The following PRKDC variants were observed in gnomAD, a reference collection of about 807,000 sequenced individuals.
PRKDC encodes DNA-dependent protein kinase catalytic subunit.
PRKDC carries 82 observed loss-of-function variants against 486.9 expected under a neutral mutation model. That is an observed-to-expected ratio of 0.17 (90% CI 0.14 to 0.20). The LOEUF is 0.20. PRKDC is among the 10% of genes least tolerant of loss of function. PRKDC has a pLI of 1.00. For missense variants in PRKDC, 4,504 were observed against 5,038.2 expected (o/e 0.89, Z 3.21); for synonymous variants, 1,895 against 1,837.0 (o/e 1.03, Z -0.81).
chr8:47,900,300 C>T, intron 28 of PRKDC, 73 bp downstream of exon 28: 3 of 1,064,938 alleles, frequency 2.8e-6, no homozygotes, highest in Non-Finnish European at 3.8e-6. Flanking sequence ...AAGAGAATCA[C>T]ACGAGCCTTA....
chr8:47,773,254 C>CGG lies in PRKDC; in HGVS notation c.*917_*918dup. ...AAACAGTTTGGGTGTGGAGGACTGGCGGGGGGGGACAGGGACTGCACATGG... is the reference window on the plus strand; with the variant it reads ...AAACAGTTTGGGTGTGGAGGACTGGCGGGGGGGGGGACAGGGACTGCACATGG... On this transcript the variant is annotated 3_prime_UTR_variant, in exon 86 of 86. Coordinates refer to ENST00000314191, the MANE Select transcript of PRKDC (RefSeq NM_006904.7). The CGG allele has an allele frequency of 9.0e-6, 2 of 223,402 alleles. No individual in the cohort carries two copies. Among genetic ancestry groups the CGG allele is most frequent in the Non-Finnish European group, 1.8e-5 (2 of 111,506 alleles). The allele number at this position is 223,402 out of a possible 1,614,324, so 13.8% of individuals were successfully genotyped here. A position where few individuals can be genotyped will look rare whatever the true frequency, so the allele number is the denominator to read the frequency against.
intron 7 of PRKDC, among the ~76,000 whole-genome samples, chr8:47,947,283 C>T (rs1204626097): frequency 6.6e-6 from 1 of 152,190 alleles, no homozygotes; most frequent in Non-Finnish European, 1.5e-5. Context: ...ACCCGTGGGT[C>T]GTGTGCTCCA....
intron 10 of PRKDC, among the ~76,000 whole-genome samples, chr8:47,941,475 G>GT (rs1397869040): frequency 6.6e-6 from 1 of 152,170 alleles, no homozygotes; most frequent in African/African-American, 2.4e-5. Context: ...TGCCTACAGG[G>GT]TGGGGCCCCA....
At position 47,941,852 on chromosome 8, in the gene PRKDC, A is replaced by G. The variant is rs563168431; in HGVS notation, c.966+1357T>C. Among the ~76,000 whole-genome samples, 10 of 152,378 alleles carry G rather than the reference A, an allele frequency of 6.6e-5. No homozygotes were observed. The South Asian group carries it at 1.9e-3, about 28-fold the overall frequency. ...AGGTAGAATATATTTCCTCAATGAA[A>G]CTCTAAAATCTATTCAATGTAGTTT... On this transcript the variant is annotated intron_variant, in intron 10 of 85. Transcript: ENST00000314191.
In PRKDC at chr8:47,858,862, G is replaced by A. The variant is rs755702932; in HGVS notation, c.6332C>T (p.Pro2111Leu). The change falls in exon 47 of 86, where the codon CCT (proline) becomes CTT (leucine). Residue 2111 changes from proline (P) to leucine (L), a missense_variant. Pro to Leu is a moderately conservative substitution (Grantham distance 98). Transcript: ENST00000314191. Reference sequence around the variant, plus strand: ...TGGGAAAAGCACCTCTTCTCCTTGAGGCGGGCCCAGGCTTCTGTGCATGTG... The same window carrying A: ...TGGGAAAAGCACCTCTTCTCCTTGAAGCGGGCCCAGGCTTCTGTGCATGTG... ...VKHMHRSLGPPQGEEDSVPRD... is the reference protein window; with the variant it reads ...VKHMHRSLGPLQGEEDSVPRD... 1.2e-6 allele frequency: 2 copies of A among 1,613,386 alleles called. No homozygotes were observed. Among genetic ancestry groups the A allele is most frequent in the Non-Finnish European group, 1.7e-6 (2 of 1,179,528 alleles).
Position 47,957,276 on chromosome 8 carries a change from A to G in PRKDC, c.232-13T>C. The stretch of plus-strand genomic sequence containing the variant: ...TACATTCACGAAACTGTAATGAAAG[A>G]GATACATATTGTAAATATGGGTAAG... On this transcript the variant is annotated splice_polypyrimidine_tract_variant and intron_variant, in intron 2 of 85. Transcript: ENST00000314191. 1 of 1,585,004 alleles carries G rather than the reference A, an allele frequency of 6.3e-7. No individual in the cohort carries two copies. Among genetic ancestry groups the G allele is most frequent in the Non-Finnish European group, 8.6e-7 (1 of 1,156,706 alleles).
chr8:47,845,606 C>CAAAA (rs1320255717), intron 54 of PRKDC, among the ~76,000 whole-genome samples: 4 of 149,496 alleles, frequency 2.7e-5, no homozygotes, highest in African/African-American at 4.9e-5. Context: ...TAAAAACAAA[C>CAAAA]AAACAAACAA....
At chr8:47,889,331 G>A in intron 32 of PRKDC, 109 bp from the exon 33 acceptor site, 2 of 910,700 alleles carry the variant, frequency 2.2e-6, no homozygotes, top group South Asian at 3.7e-5. Context: ...GGAGAGGTGG[G>A]CAGAGTTTCT....
At position 47,782,048 on chromosome 8, in the gene PRKDC, G is replaced by A. The variant is rs919110783; in HGVS notation, c.11489+114C>T. ...ATTTGGTTTATTGACCCAGCCAGCA[G>A]ACTGCGGGGCAGGCAGTGTGGGCTC... is the stretch of plus-strand genomic sequence containing the variant. On this transcript the variant is annotated intron_variant, in intron 80 of 85. Transcript: ENST00000314191. This position sits in a 1 kb window ranked among gnomAD's most constrained non-coding sequence, Gnocchi z 4.9. 5 of 842,136 alleles carry A rather than the reference G, an allele frequency of 5.9e-6. No individual in the cohort carries two copies. Among genetic ancestry groups the A allele is most frequent in the Non-Finnish European group, 9.5e-6 (5 of 525,188 alleles). The allele number at this position is 842,136 out of a possible 1,614,324, so 52.2% of individuals were successfully genotyped here.
In PRKDC at chr8:47,871,403, A is replaced by C. The variant is rs547053337; in HGVS notation, c.5363+6321T>G. Among the ~76,000 whole-genome samples the C allele has an allele frequency of 4.6e-5, 7 of 151,926 alleles. No individual in the cohort carries two copies. In the South Asian group the frequency reaches 1.5e-3, roughly 32 times the overall value. ...CATTTGGTAGCAGACTTATGGGTGG[A>C]AACTTTACAGGCGAAGACAGAGTGG... On this transcript the variant is annotated intron_variant, in intron 40 of 85. Coordinates refer to ENST00000314191, the MANE Select transcript of PRKDC (RefSeq NM_006904.7).
At chr8:47,931,711 G>C (rs948183850) in intron 16 of PRKDC, among the ~76,000 whole-genome samples, 2 of 152,144 alleles carry the variant, frequency 1.3e-5, no homozygotes, top group African/African-American at 4.8e-5. Flanking sequence ...GACTGCAGTG[G>C]AGGTACTGAC....
chr8:47,833,185 A>C (rs530870875), intron 59 of PRKDC, among the ~76,000 whole-genome samples: 2 of 152,342 alleles, frequency 1.3e-5, no homozygotes, highest in South Asian at 4.1e-4. Context: ...TTCCATTTAG[A>C]GAACTGTGTG....
intron 25 of PRKDC, 134 bp from the exon 26 acceptor site, chr8:47,905,110 T>G (rs2154502469): frequency 3.1e-6 from 2 of 636,480 alleles, no homozygotes; most frequent in East Asian, 6.0e-5. Context: ...AGTTTCCTTT[T>G]TTAGTTCAGG....
At position 47,882,047 on chromosome 8, in the gene PRKDC, T is replaced by G. The variant is rs892197475; in HGVS notation, c.4827A>C (p.Ala1609=). 4 of 1,614,050 alleles carry G rather than the reference T, an allele frequency of 2.5e-6. No homozygotes were observed. The highest frequency in any genetic ancestry group is 2.5e-6 in the Non-Finnish European group (3 of 1,179,886). ...GTTTCAGTCCTTGGTGTTTCTGGTTTGCTCGCTCCCTGAAGCTCTGGTCTA... is the reference window on the plus strand; with the variant it reads ...GTTTCAGTCCTTGGTGTTTCTGGTTGGCTCGCTCCCTGAAGCTCTGGTCTA... ...GMLDQSFRER[A]NQKHQGLKLA... is the part of the protein sequence containing the mutation. The change falls in exon 37 of 86, where the codon GCA becomes GCC. Residue 1609 remains alanine, a synonymous_variant. Transcript: ENST00000314191.
At chr8:47,946,629 C>T (rs1473068755) in intron 7 of PRKDC, among the ~76,000 whole-genome samples, 4 of 152,110 alleles carry the variant, frequency 2.6e-5, no homozygotes, top group Non-Finnish European at 5.9e-5. Flanking sequence ...TCATCTTGCT[C>T]ACACTCCTAA....
At chr8:47,925,525 T>A (rs1271868976) in intron 21 of PRKDC, among the ~76,000 whole-genome samples, 1 of 152,158 alleles carries the variant, frequency 6.6e-6, no homozygotes, top group African/African-American at 2.4e-5. Context: ...TACACTGAAT[T>A]CTAAACCAGG....
chr8:47,790,662 A>C (rs1563735680), intron 74 of PRKDC, among the ~76,000 whole-genome samples: 1 of 152,246 alleles, frequency 6.6e-6, no homozygotes. Flanking sequence ...ACTTCAAATT[A>C]TATTACAGAG....
rs373272342 is a variant in PRKDC at position 47,877,219 on chromosome 8, A to G, written c.5363+505T>C. On this transcript the variant is annotated intron_variant, in intron 40 of 85. Transcript: ENST00000314191. ...TGTTTTAAATGCAGACTGAAGAGAC[A>G]TAACAGTGAAATGCCATGTATGAAC... Among the ~76,000 whole-genome samples, 18 of 152,358 alleles carry G rather than the reference A, an allele frequency of 1.2e-4. No individual in the cohort carries two copies. In the South Asian group the frequency reaches 2.5e-3, roughly 21 times the overall value.
chr8:47,911,493 A>T (rs1043191513), intron 25 of PRKDC, among the ~76,000 whole-genome samples: 3 of 152,248 alleles, frequency 2.0e-5, no homozygotes, highest in Non-Finnish European at 4.4e-5. Flanking sequence ...GTAAGTTTCC[A>T]GTTTTCACTA....
Sources: allele counts gnomAD v4.1 joint callset (sites outside exome capture counted in the v4.1 genomes callset), GRCh38; gene constraint gnomAD v4.1.1; non-coding constraint Gnocchi (gnomAD v3.1); transcripts MANE v1.5; gene names NCBI Gene and HGNC (gene_info 2026-07-23, HGNC 2026-07-21).